ATP6V1D: variants seen among roughly 807,000 people sequenced by gnomAD.
ATP6V1D encodes the protein ATPase H+ transporting V1 subunit D.
In ATP6V1D, 20 loss-of-function variants were observed where a neutral mutation model predicts 39.4. That is an observed-to-expected ratio of 0.51 (90% CI 0.36 to 0.74). ATP6V1D has a LOEUF of 0.74. ATP6V1D is among the 30% of genes least tolerant of loss of function. ATP6V1D has a pLI of 0.00. For synonymous variants in ATP6V1D, 100 were observed against 100.5 expected (o/e 0.99, Z 0.03); for missense variants, 228 against 291.6 (o/e 0.78, Z 1.59).
intron 1 of ATP6V1D, 72 bp downstream of exon 1, chr14:67,359,586 C>T: frequency 6.4e-7 from 1 of 1,551,476 alleles, no homozygotes; most frequent in Admixed American, 1.7e-5. Flanking sequence ...CTCACTGTGG[C>T]CCAGGGTCTG....
chr14:67,352,886 C>A, intron 2 of ATP6V1D, 37 bp downstream of exon 2: 1 of 1,423,676 alleles, frequency 7.0e-7, no homozygotes, highest in South Asian at 1.3e-5. Flanking sequence ...CTGGATTTTT[C>A]TAAAATAAAT....
rs899577947 is a variant in ATP6V1D at position 67,357,608 on chromosome 14, T to G, written c.41+2050A>C. On this transcript the variant is annotated intron_variant, in intron 1 of 8. Coordinates refer to ENST00000216442, the MANE Select transcript of ATP6V1D (RefSeq NM_015994.4). ...AACAAAAAAGTTATTCTGACTGCTGTCAAAGATAAACCCAGCCAGACATTC... is the reference window on the plus strand; with the variant it reads ...AACAAAAAAGTTATTCTGACTGCTGGCAAAGATAAACCCAGCCAGACATTC... Among the ~76,000 whole-genome samples the G allele has an allele frequency of 3.9e-5, 6 of 152,334 alleles. No homozygotes were observed. In the South Asian group the frequency reaches 1.2e-3, roughly 32 times the overall value.
At chr14:67,359,283 G>A (rs1263202801) in intron 1 of ATP6V1D, among the ~76,000 whole-genome samples, 1 of 152,190 alleles carries the variant, frequency 6.6e-6, no homozygotes, top group Non-Finnish European at 1.5e-5. Flanking sequence ...CCAGACGAAT[G>A]TCTGGCTACG....
chr14:67,338,902 AATTT>A (rs1028543507), intron 8 of ATP6V1D, 140 bp from the exon 9 acceptor site: 138 of 663,424 alleles, frequency 2.1e-4, no homozygotes, highest in Admixed American at 2.8e-4. Flanking sequence ...CATTTTCAGT[AATTT>A]ATTTATAATC....
intron 6 of ATP6V1D, among the ~76,000 whole-genome samples, chr14:67,345,060 G>A (rs1358682269): frequency 1.3e-5 from 2 of 151,926 alleles, no homozygotes; most frequent in Non-Finnish European, 2.9e-5. Flanking sequence ...TGGACGACAT[G>A]GTGAAACCCC....
In ATP6V1D at chr14:67,338,008, C is replaced by G. The variant is rs1364263711; in HGVS notation, c.*613G>C. ...TACATGTCTGCAGAGAAAGCTCTGG[C>G]TGACACTACTGATCTGAGCATGAGA... On this transcript the variant is annotated 3_prime_UTR_variant, in exon 9 of 9. Coordinates refer to ENST00000216442, the MANE Select transcript of ATP6V1D (RefSeq NM_015994.4). 1.3e-5 allele frequency: 2 copies of G among 152,144 alleles called. No homozygotes were observed. The highest frequency in any genetic ancestry group is 2.9e-5 in the Non-Finnish European group (2 of 68,032). 9.4% of individuals were successfully genotyped at this position (152,144 alleles called of 1,614,324 possible). A position where few individuals can be genotyped will look rare whatever the true frequency, so the allele number is the denominator to read the frequency against.
intron 1 of ATP6V1D, among the ~76,000 whole-genome samples, chr14:67,358,354 CTATT>C (rs1190497010): frequency 1.3e-5 from 2 of 152,132 alleles, no homozygotes; most frequent in African/African-American, 4.8e-5. Context: ...TCATTAAGAG[CTATT>C]TAGTCACCGG....
intron 1 of ATP6V1D, among the ~76,000 whole-genome samples, chr14:67,356,177 T>C (rs150795045): frequency 4.0e-3 from 604 of 152,262 alleles, no homozygotes; most frequent in Middle Eastern, 0.014. Flanking sequence ...ACCAACACTT[T>C]GGGAGGCCGA....
intron 2 of ATP6V1D, among the ~76,000 whole-genome samples, chr14:67,350,951 A>G (rs2085650875): frequency 6.6e-6 from 1 of 152,238 alleles, no homozygotes; most frequent in South Asian, 2.1e-4. Context: ...TGAAGGACCT[A>G]TATTATTCCT....
chr14:67,339,645 T>A (rs985111951), intron 8 of ATP6V1D, among the ~76,000 whole-genome samples: 1 of 152,236 alleles, frequency 6.6e-6, no homozygotes, highest in Admixed American at 6.5e-5. Context: ...GTGCTAATTC[T>A]CTAATGGCGT....
chr14:67,349,253 GAA>G, intron 3 of ATP6V1D, 149 bp from the exon 4 acceptor site: 1 of 740,426 alleles, frequency 1.4e-6, no homozygotes, highest in Non-Finnish European at 2.2e-6. Context: ...CAAAAAGGGA[GAA>G]AAGTCATTAC....
chr14:67,343,523 T>C, intron 6 of ATP6V1D, 85 bp from the exon 7 acceptor site: 2 of 952,282 alleles, frequency 2.1e-6, no homozygotes, highest in Non-Finnish European at 3.2e-6. Flanking sequence ...ACTGCACTTG[T>C]AGAAAACATT....
chr14:67,356,433 AC>A (rs1295210221), intron 1 of ATP6V1D, among the ~76,000 whole-genome samples: 41 of 126,312 alleles, frequency 3.2e-4, no homozygotes, highest in African/African-American at 1.5e-3. Flanking sequence ...AAAAACAAAA[AC>A]AAAAAAAAAA....
rs756466933 is a variant in ATP6V1D at position 67,353,036 on chromosome 14, G to A, written c.46C>T (p.Gln16Ter). 7 of 1,606,236 alleles carry A rather than the reference G, an allele frequency of 4.4e-6. No homozygotes were observed. The highest frequency in any genetic ancestry group is 1.3e-5 in the African/African-American group (1 of 74,454). ...TTTAAACGAGCCTTCATGATGGTCT[G>A]TGCCCTATATAAACATAAACAAAGT... ...RIEIFPSRMA[Q>*]TIMKARLKGA... The change falls in exon 2 of 9, where the codon CAG becomes TAG. Residue 16 changes from glutamine to a stop codon, truncating the protein, a stop_gained. Coordinates refer to ENST00000216442, the MANE Select transcript of ATP6V1D (RefSeq NM_015994.4). LOFTEE classifies it high-confidence loss of function.
chr14:67,340,281 C>T, intron 8 of ATP6V1D, 159 bp downstream of exon 8: 1 of 620,272 alleles, frequency 1.6e-6, no homozygotes. Context: ...AGATTTGTTT[C>T]CACAACTTCT....
At chr14:67,349,991 C>A (rs2085645279) in intron 3 of ATP6V1D, among the ~76,000 whole-genome samples, 2 of 152,186 alleles carry the variant, frequency 1.3e-5, no homozygotes, top group African/African-American at 4.8e-5. Context: ...AGCCAAGTGA[C>A]CTCAGGAAGG....
intron 7 of ATP6V1D, among the ~76,000 whole-genome samples, chr14:67,340,722 G>A (rs543065261): frequency 3.0e-4 from 46 of 152,066 alleles, no homozygotes; most frequent in Admixed American, 9.2e-4. Context: ...CTCTGATGCC[G>A]AGCCGAAGCT....
intron 5 of ATP6V1D, among the ~76,000 whole-genome samples, chr14:67,347,159 A>AT (rs1047259158): frequency 6.6e-6 from 1 of 151,890 alleles, no homozygotes; most frequent in Non-Finnish European, 1.5e-5. Context: ...GATTTTTTAT[A>AT]TTTTTTGTAG....
chr14:67,352,426 CAA>C (rs557204300), intron 2 of ATP6V1D, among the ~76,000 whole-genome samples: 54 of 76,658 alleles, frequency 7.0e-4, no homozygotes, highest in Admixed American at 7.2e-4. Flanking sequence ...GACCTTGCCT[CAA>C]AAAAAAAAAA....
Sources: allele counts gnomAD v4.1 joint callset (sites outside exome capture counted in the v4.1 genomes callset), GRCh38; gene constraint gnomAD v4.1.1; transcripts MANE v1.5; gene names NCBI Gene and HGNC (gene_info 2026-07-23, HGNC 2026-07-21).